SEMA3E: variants seen among roughly 807,000 people sequenced by gnomAD.
The protein encoded by SEMA3E is semaphorin 3E.
SEMA3E carries 49 observed loss-of-function variants against 93.6 expected under a neutral mutation model. That is an observed-to-expected ratio of 0.52 (90% CI 0.42 to 0.66). The LOEUF is 0.66. SEMA3E is among the 30% of genes least tolerant of loss of function. The pLI, the probability that SEMA3E is intolerant of heterozygous loss-of-function variation, is 0.00. For synonymous variants in SEMA3E, 363 were observed against 330.7 expected, an observed-to-expected ratio of 1.10 and a Z score of -1.06; for missense variants, 906 against 964.8, an observed-to-expected ratio of 0.94 and a Z score of 0.81.
At chr7:83,604,662 A>C (rs1197246121) in intron 1 of SEMA3E, among the ~76,000 whole-genome samples, 2 of 151,926 alleles carry the variant, frequency 1.3e-5, no homozygotes, top group Non-Finnish European at 2.9e-5. Flanking sequence ...ACATGCACAG[A>C]ACATGCAGGT....
chr7:83,579,447 G>A (rs763077634), intron 1 of SEMA3E, among the ~76,000 whole-genome samples: 3 of 152,150 alleles, frequency 2.0e-5, no homozygotes, highest in Non-Finnish European at 4.4e-5. Context: ...TATCAAATAA[G>A]TAGAATTTAG....
chr7:83,473,145 G>A (rs1789939196), intron 2 of SEMA3E, among the ~76,000 whole-genome samples: 2 of 152,144 alleles, frequency 1.3e-5, no homozygotes, highest in Non-Finnish European at 1.5e-5. Flanking sequence ...ACTTTTCATT[G>A]TCAAGTTAAC....
intron 1 of SEMA3E, among the ~76,000 whole-genome samples, chr7:83,618,449 A>AT (rs953061671): frequency 6.6e-6 from 1 of 152,006 alleles, no homozygotes; most frequent in Non-Finnish European, 1.5e-5. Flanking sequence ...GGTAAAGCTT[A>AT]TAAGAGTTTG....
chr7:83,454,089 T>C (rs1247284933), intron 4 of SEMA3E, among the ~76,000 whole-genome samples: 1 of 150,924 alleles, frequency 6.6e-6, no homozygotes, highest in East Asian at 2.0e-4. Flanking sequence ...AAAACCCGTC[T>C]CTACTAAAAA....
intron 15 of SEMA3E, 77 bp from the exon 16 acceptor site, chr7:83,385,510 C>T (rs942720226): frequency 4.2e-5 from 57 of 1,351,328 alleles, no homozygotes; most frequent in Non-Finnish European, 5.9e-5. Flanking sequence ...TTATTTAGAT[C>T]CCTGCAGTAA....
At chr7:83,399,944 G>T in intron 11 of SEMA3E, 84 bp downstream of exon 11, 2 of 1,095,620 alleles carry the variant, frequency 1.8e-6, no homozygotes, top group Non-Finnish European at 2.8e-6. Context: ...CAGATTTGTC[G>T]ATAGGTGCTT....
chr7:83,481,536 G>A (rs1315342492), intron 2 of SEMA3E, among the ~76,000 whole-genome samples: 2 of 152,256 alleles, frequency 1.3e-5, no homozygotes, highest in African/African-American at 4.8e-5. Context: ...GAGGAGGTGG[G>A]AGATTCTCAC....
chr7:83,371,079 A>AT (rs1293362019), intron 16 of SEMA3E, among the ~76,000 whole-genome samples: 9 of 152,096 alleles, frequency 5.9e-5, no homozygotes, highest in African/African-American at 1.9e-4. Flanking sequence ...TTCTATAAGG[A>AT]TTTTTTAAAT....
At chr7:83,464,616 T>C (rs1393725907) in intron 4 of SEMA3E, among the ~76,000 whole-genome samples, 1 of 146,032 alleles carries the variant, frequency 6.8e-6, no homozygotes, top group Non-Finnish European at 1.5e-5. Context: ...GTAGTCCCAA[T>C]TCTTAGACCT....
intron 4 of SEMA3E, among the ~76,000 whole-genome samples, chr7:83,458,973 G>GTGTATA (rs57694179): frequency 0.11 from 16,014 of 140,406 alleles, 1,095 homozygotes; most frequent in Non-Finnish European, 0.15. Flanking sequence ...GTGTGTGTGT[G>GTGTATA]TATATATATA....
Position 83,390,077 on chromosome 7 carries a change from ACGTGTG to A in SEMA3E, c.1667+2472_1667+2477del, listed in dbSNP as rs1249305384. Among the ~76,000 whole-genome samples the A allele has an allele frequency of 8.3e-3, 1,089 of 131,830 alleles. 47 individuals carry two copies. The highest frequency in any genetic ancestry group is 0.019 in the Middle Eastern group (4 of 216). 86.5% of individuals were successfully genotyped at this position (131,830 alleles called of 152,430 possible). A position where few individuals can be genotyped will look rare whatever the true frequency, so the allele number is the denominator to read the frequency against. On this transcript the variant is annotated intron_variant, in intron 14 of 16. Coordinates refer to ENST00000643230, the MANE Select transcript of SEMA3E (RefSeq NM_012431.3). ...TACGTGTGCACATATATGCGCGTAT[ACGTGTG>A]CACATATATGCGCGTATACGTGTGC...
intron 4 of SEMA3E, among the ~76,000 whole-genome samples, chr7:83,426,182 C>T (rs1788765398): frequency 6.6e-6 from 1 of 152,180 alleles, no homozygotes; most frequent in Non-Finnish European, 1.5e-5. Flanking sequence ...TCTCAAAAAA[C>T]TTAAATCAGA....
At chr7:83,394,430 T>G in intron 12 of SEMA3E, 92 bp from the exon 13 acceptor site, 3 of 1,015,606 alleles carry the variant, frequency 3.0e-6, no homozygotes, top group Non-Finnish European at 4.5e-6. Context: ...ACATTACTTA[T>G]ATAAGTGGTT....
chr7:83,563,157 T>C (rs1031378124), intron 1 of SEMA3E, among the ~76,000 whole-genome samples: 1 of 152,166 alleles, frequency 6.6e-6, no homozygotes, highest in African/African-American at 2.4e-5. Context: ...GAGTAAACTA[T>C]GCAATCAAGA....
At chr7:83,421,830 A>C (rs1788673408) in intron 4 of SEMA3E, among the ~76,000 whole-genome samples, 1 of 99,392 alleles carries the variant, frequency 1.0e-5, no homozygotes, top group African/African-American at 3.1e-5. Flanking sequence ...ACTTTTCAGT[A>C]AATGCTGAGT....
At chr7:83,538,318 G>A (rs1401731878) in intron 1 of SEMA3E, among the ~76,000 whole-genome samples, 1 of 152,124 alleles carries the variant, frequency 6.6e-6, no homozygotes, top group Non-Finnish European at 1.5e-5. Context: ...AGCAGTGTAT[G>A]AGTTCTGATT....
At chr7:83,454,797 C>T (rs1306677057) in intron 4 of SEMA3E, among the ~76,000 whole-genome samples, 1 of 152,126 alleles carries the variant, frequency 6.6e-6, no homozygotes. Flanking sequence ...TAACGTGTAA[C>T]ACATATGACT....
rs540638991 is a variant in SEMA3E at position 83,636,076 on chromosome 7, A to G, written c.115+12352T>C. ...GAATGAAATTGGAAATTGGGAGATCATGATTGGAGCAAGTGGGAAGAAAAG... is the reference window on the plus strand; with the variant it reads ...GAATGAAATTGGAAATTGGGAGATCGTGATTGGAGCAAGTGGGAAGAAAAG... On this transcript the variant is annotated intron_variant, in intron 1 of 16. Transcript: ENST00000643230. Among the ~76,000 whole-genome samples the G allele has an allele frequency of 2.8e-4, 43 of 152,280 alleles. 1 individual carries two copies. Among genetic ancestry groups the G allele is most frequent in the South Asian group, 1.2e-3 (6 of 4,830 alleles).
intron 1 of SEMA3E, among the ~76,000 whole-genome samples, chr7:83,496,643 G>T (rs1159870961): frequency 6.6e-6 from 1 of 151,898 alleles, no homozygotes; most frequent in Non-Finnish European, 1.5e-5. Flanking sequence ...TATACTGAAG[G>T]CAATATAAAG....
Sources: gnomAD v4.1 joint callset for allele counts (sites outside exome capture counted in the v4.1 genomes callset) on GRCh38, gnomAD v4.1.1 for gene constraint, MANE v1.5 for transcripts, NCBI Gene and HGNC (gene_info 2026-07-23, HGNC 2026-07-21) for gene names.